ATP13A1: variants seen among roughly 807,000 people sequenced by gnomAD.
ATP13A1 encodes ATPase 13A1, also known as endoplasmic reticulum transmembrane helix translocase.
ATP13A1 carries 55 observed loss-of-function variants against 134.8 expected under a neutral mutation model. That is an observed-to-expected ratio of 0.41 (90% CI 0.33 to 0.51). The LOEUF is 0.51. Ranked by LOEUF, ATP13A1 falls within the 20% of genes least tolerant of loss-of-function variation. ATP13A1 has a pLI of 0.29. For synonymous variants in ATP13A1, 775 were observed against 725.1 expected, an observed-to-expected ratio of 1.07 and a Z score of -1.10; for missense variants, 1,389 against 1,652.8, an observed-to-expected ratio of 0.84 and a Z score of 2.77.
In ATP13A1 at chr19:19,656,001, C is replaced by A; in HGVS notation, c.1213+53G>T. ...CCTGACTCCCTCATGATCAAGCAGA[C>A]GGGCAAAGGGGGTGGAAGCCCAGAT... is the stretch of plus-strand genomic sequence containing the variant. On this transcript the variant is annotated intron_variant, in intron 8 of 25. Coordinates refer to ENST00000357324, the MANE Select transcript of ATP13A1 (RefSeq NM_020410.3). This position sits in a 1 kb window ranked among gnomAD's most constrained non-coding sequence, Gnocchi z 4.6. 1 of 1,611,912 alleles carries A rather than the reference C, an allele frequency of 6.2e-7. No homozygotes were observed. The highest frequency in any genetic ancestry group is 1.1e-5 in the South Asian group (1 of 90,934).
At position 19,651,784 on chromosome 19, in the gene ATP13A1, G is replaced by A. The variant is rs1400394998; in HGVS notation, c.2240C>T (p.Thr747Met). ...GCATGCAGTGAGCGGGTTGTCTCCC[G>A]TGATCATGACCACCTTGGGTAAAGA... ...QNASHRVVMI[T>M]GDNPLTACHV... Residue 747 changes from threonine to methionine, a missense_variant, in exon 17 of 26, where the codon ACG (threonine) becomes ATG (methionine). Physicochemically the swap from Thr to Met is moderately conservative, Grantham distance 81. Coordinates refer to ENST00000357324, the MANE Select transcript of ATP13A1 (RefSeq NM_020410.3). 2.5e-6 allele frequency: 4 copies of A among 1,612,532 alleles called. No homozygotes were observed. Among genetic ancestry groups the A allele is most frequent in the Admixed American group, 1.7e-5 (1 of 59,806 alleles).
At chr19:19,650,117 T>A in intron 17 of ATP13A1, 177 bp from the exon 18 acceptor site, 1 of 623,128 alleles carries the variant, frequency 1.6e-6, no homozygotes, top group Non-Finnish European at 2.8e-6. Context: ...GTCCCTCAGG[T>A]GCACAGGGTG....
In ATP13A1 at chr19:19,663,455, G is replaced by A. The variant is rs770602595; in HGVS notation, c.212C>T (p.Ala71Val). 13 of 1,549,302 alleles carry A rather than the reference G, an allele frequency of 8.4e-6. No individual in the cohort carries two copies. The East Asian group carries it at 3.1e-4, about 37-fold the overall frequency. Residue 71 changes from alanine (A) to valine (V), a missense_variant, in exon 1 of 26, where the codon GCC (alanine) becomes GTC (valine). Coordinates refer to ENST00000357324, the MANE Select transcript of ATP13A1 (RefSeq NM_020410.3). ...CAACCAGGCCGGGTAAAGCAGCCCG[G>A]CGAATGGCAGCACCGTGAGGCGCCG... is the stretch of plus-strand genomic sequence containing the variant. Reference protein sequence around the residue: ...LLRRLTVLPFAGLLYPAWLGA... With the variant: ...LLRRLTVLPFVGLLYPAWLGA...
Position 19,647,340 on chromosome 19 carries a change from G to C in ATP13A1, c.2909-15C>G, listed in dbSNP as rs959826952. On this transcript the variant is annotated splice_polypyrimidine_tract_variant and intron_variant, in intron 21 of 25. Coordinates refer to ENST00000357324, the MANE Select transcript of ATP13A1 (RefSeq NM_020410.3). This position sits in a 1 kb window ranked among gnomAD's most constrained non-coding sequence, Gnocchi z 4.8. ...CACGTGGCAGACTGCAGGGTGGTGG[G>C]GAGGCAGGTGTGGGTGTGGGTAGGG... The C allele has an allele frequency of 1.9e-6, 3 of 1,611,628 alleles. No individual in the cohort carries two copies. The highest frequency in any genetic ancestry group is 1.7e-6 in the Non-Finnish European group (2 of 1,178,884).
At chr19:19,650,456 G>A (rs906052571) in intron 17 of ATP13A1, 5 of 162,854 alleles carry the variant, frequency 3.1e-5, no homozygotes, top group South Asian at 1.6e-4. Context: ...GATGCTGGGC[G>A]CTGAGGATGG....
rs1270905275 is a variant in ATP13A1 at position 19,656,421 on chromosome 19, G to T, written c.1084-238C>A. The stretch of plus-strand genomic sequence containing the variant: ...GCCTCGTCTGGGACTCACCCCTCTG[G>T]ACTGCTCCCAGCCCACCTTGGTCTG... On this transcript the variant is annotated intron_variant, in intron 7 of 25. Transcript: ENST00000357324. This position sits in a 1 kb window ranked among gnomAD's most constrained non-coding sequence, Gnocchi z 4.6. 6.6e-6 allele frequency among the ~76,000 whole-genome samples: 1 copy of T among 152,106 alleles called. No homozygotes were observed.
chr19:19,652,923 G>C (rs942170706), intron 15 of ATP13A1: 1 of 680,948 alleles, frequency 1.5e-6, no homozygotes, highest in South Asian at 2.0e-5. Flanking sequence ...AGTGACTGGG[G>C]GGTCTGGGTC....
In ATP13A1 at chr19:19,652,582, C is replaced by T; in HGVS notation, c.2226+13G>A. On this transcript the variant is annotated intron_variant, in intron 16 of 25. Transcript: ENST00000357324. ...TTCCCATGCAGAGGGTGGAGCCGAG[C>T]ACCGTCCCATACCCGGTGGGACGCA... 3 of 1,605,504 alleles carry T rather than the reference C, an allele frequency of 1.9e-6. No individual in the cohort carries two copies. The South Asian group carries it at 3.4e-5, about 18-fold the overall frequency.
Position 19,654,626 on chromosome 19 carries a change from A to G in ATP13A1, c.1730T>C (p.Leu577Pro). 1.9e-6 allele frequency: 3 copies of G among 1,613,642 alleles called. No individual in the cohort carries two copies. Residue 577 changes from leucine to proline, a missense_variant, in exon 13 of 26, where the codon CTC (leucine) becomes CCC (proline). Leu to Pro is a moderately conservative substitution (Grantham distance 98). Coordinates refer to ENST00000357324, the MANE Select transcript of ATP13A1 (RefSeq NM_020410.3). ...GAGGGTGCCGTCGTCCAGCTGCATG[A>G]GCGAGTGGCACGAGGCCAGGGCCCG... ...THRALASCHS[L>P]MQLDDGTLVG...
rs2062045627 is a variant in ATP13A1, at chr19:19,654,648, C to T, written c.1708G>A (p.Ala570Thr). 1 of 1,613,490 alleles carries T rather than the reference C, an allele frequency of 6.2e-7. No individual in the cohort carries two copies. The highest frequency in any genetic ancestry group is 2.2e-5 in the East Asian group (1 of 44,888). ...VSSIPVETHR[A>T]LASCHSLMQL... ...ATGAGCGAGTGGCACGAGGCCAGGG[C>T]CCGGTGTGTTTCTACAGGGATGCTG... The change falls in exon 13 of 26, where the codon GCC (alanine) becomes ACC (threonine). Residue 570 changes from alanine to threonine, a missense_variant. Transcript: ENST00000357324.
At chr19:19,658,315 G>A (rs1465370840) in intron 3 of ATP13A1, among the ~76,000 whole-genome samples, 1 of 152,094 alleles carries the variant, frequency 6.6e-6, no homozygotes. Context: ...TTATGTATGG[G>A]ATGTGAGAAG....
At chr19:19,663,224 G>A in intron 1 of ATP13A1, 47 bp downstream of exon 1, 1 of 1,554,942 alleles carries the variant, frequency 6.4e-7, no homozygotes, top group Non-Finnish European at 8.7e-7. Flanking sequence ...GGGACCCACG[G>A]CGAGGCTCGA....
intron 13 of ATP13A1, 114 bp from the exon 14 acceptor site, chr19:19,654,258 G>C (rs922615206): frequency 6.0e-6 from 7 of 1,175,866 alleles, no homozygotes; most frequent in Admixed American, 4.8e-5. Flanking sequence ...GGGCCTGATC[G>C]GGGCTCTGGG....
chr19:19,649,957 G>T lies in ATP13A1; in HGVS notation c.2336-17C>A. Reference sequence around the variant, plus strand: ...ACTGCCGGCCTGCGGGCAGCACCTAGGGTTAGGGCTGGGGGCTTGGCTGAC... The same window carrying T: ...ACTGCCGGCCTGCGGGCAGCACCTATGGTTAGGGCTGGGGGCTTGGCTGAC... On this transcript the variant is annotated splice_polypyrimidine_tract_variant and intron_variant, in intron 17 of 25. Coordinates refer to ENST00000357324, the MANE Select transcript of ATP13A1 (RefSeq NM_020410.3). The T allele has an allele frequency of 6.4e-7, 1 of 1,571,210 alleles. No individual in the cohort carries two copies. The highest frequency in any genetic ancestry group is 1.1e-5 in the South Asian group (1 of 88,098).
At chr19:19,652,506 T>C (rs1021113675) in intron 16 of ATP13A1, 89 bp downstream of exon 16, 1 of 1,483,716 alleles carries the variant, frequency 6.7e-7, no homozygotes, top group Admixed American at 2.2e-5. Context: ...CTGTGAGACT[T>C]GGGTGCCCAC....
rs371607065 is a variant in ATP13A1 at position 19,653,948 on chromosome 19, C to A, written c.1989+21G>T. 5.9e-5 allele frequency: 94 copies of A among 1,583,162 alleles called. 1 individual carries two copies. The Middle Eastern group carries it at 9.9e-4, about 17-fold the overall frequency. ...GCTGCCCCGCGCCCCCACCCCTTGC[C>A]CCAGGCTGGGGCCAGCTCACCATGG... On this transcript the variant is annotated intron_variant, in intron 14 of 25. Transcript: ENST00000357324. This position sits in a 1 kb window ranked among gnomAD's most constrained non-coding sequence, Gnocchi z 4.2.
At position 19,659,777 on chromosome 19, in the gene ATP13A1, A is replaced by G. The variant is rs1441800661; in HGVS notation, c.501T>C (p.Leu167=). ...TCTGGAATTCGAAGGACAGCACCTCAAGCCCGTCTTCGCCCTGCGGTAGAA... is the reference window on the plus strand; with the variant it reads ...TCTGGAATTCGAAGGACAGCACCTCGAGCCCGTCTTCGCCCTGCGGTAGAA... ...ALHRNEGEDG[L]EVLSFEFQKI... is the part of the protein sequence containing the mutation. Residue 167 remains leucine, a synonymous_variant, in exon 3 of 26, where the codon CTT becomes CTC. Transcript: ENST00000357324. The G allele has an allele frequency of 6.2e-7, 1 of 1,613,868 alleles. No individual in the cohort carries two copies. Among genetic ancestry groups the G allele is most frequent in the Admixed American group, 1.7e-5 (1 of 60,002 alleles).
chr19:19,648,829 A>G (rs1253740668), intron 19 of ATP13A1, among the ~76,000 whole-genome samples: 1 of 148,472 alleles, frequency 6.7e-6, no homozygotes, highest in Non-Finnish European at 1.5e-5. Flanking sequence ...AAAAAAAAAA[A>G]GGCAGGGTTC....
Position 19,663,255 on chromosome 19 carries a change from G to C in ATP13A1, c.396+16C>G. ...CTCGACCGTGCTGGGGGTCGGGCTC[G>C]CGTGTACACACTTACCGGGGTGCAG... On this transcript the variant is annotated intron_variant, in intron 1 of 25. Coordinates refer to ENST00000357324, the MANE Select transcript of ATP13A1 (RefSeq NM_020410.3). 1.3e-6 allele frequency: 2 copies of C among 1,568,638 alleles called. No homozygotes were observed. Among genetic ancestry groups the C allele is most frequent in the Non-Finnish European group, 1.7e-6 (2 of 1,158,458 alleles).
Sources: allele counts gnomAD v4.1 joint callset (sites outside exome capture counted in the v4.1 genomes callset), GRCh38; gene constraint gnomAD v4.1.1; non-coding constraint Gnocchi (gnomAD v3.1); transcripts MANE v1.5; gene names NCBI Gene and HGNC (gene_info 2026-07-23, HGNC 2026-07-21).